Variants in CTNND2 observed in about 807,000 individuals in gnomAD.
CTNND2 encodes catenin delta-2.
A neutral mutation model predicts 144.4 loss-of-function variants in CTNND2; 22 were observed. The ratio of observed to expected loss-of-function variants is 0.15; its 90% confidence interval spans 0.11 to 0.22. CTNND2 has a LOEUF of 0.22. Ranked by LOEUF, CTNND2 falls within the 10% of genes least tolerant of loss-of-function variation. The pLI is 1.00. For synonymous variants in CTNND2, 751 were observed against 695.6 expected, an observed-to-expected ratio of 1.08 and a Z score of -1.25; for missense variants, 1,353 against 1,618.8, an observed-to-expected ratio of 0.84 and a Z score of 2.82.
At chr5:11,103,598 A>T (rs739956) in intron 14 of CTNND2, among the ~76,000 whole-genome samples, 23,763 of 151,942 alleles carry the variant, frequency 0.16, 2,536 homozygotes, top group African/African-American at 0.31. Context: ...TGAATCCAGG[A>T]GGTGGAGTTT....
intron 2 of CTNND2, among the ~76,000 whole-genome samples, chr5:11,669,519 A>T (rs1783759859): frequency 6.6e-6 from 1 of 152,006 alleles, no homozygotes; most frequent in South Asian, 2.1e-4. Flanking sequence ...GAATTTATCC[A>T]TTTCTTCTAG....
intron 2 of CTNND2, among the ~76,000 whole-genome samples, chr5:11,618,600 G>T (rs1780687951): frequency 6.6e-6 from 1 of 152,006 alleles, no homozygotes; most frequent in African/African-American, 2.4e-5. Context: ...AATGTAATTT[G>T]GTAAAAATAC....
At position 11,649,297 on chromosome 5, in the gene CTNND2, G is replaced by T. The variant is rs554918507; in HGVS notation, c.174+82839C>A. Among the ~76,000 whole-genome samples the T allele has an allele frequency of 2.0e-5, 3 of 152,190 alleles. No individual in the cohort carries two copies. The East Asian group carries it at 5.8e-4, about 29-fold the overall frequency. On this transcript the variant is annotated intron_variant, in intron 2 of 21. Coordinates refer to ENST00000304623, the MANE Select transcript of CTNND2 (RefSeq NM_001332.4). The stretch of plus-strand genomic sequence containing the variant: ...ACTGTAACATACCACTTTCATTAAA[G>T]AAACAAACTTATTTTGTTATTTTTA...
intron 3 of CTNND2, among the ~76,000 whole-genome samples, chr5:11,461,813 T>C (rs1766249618): frequency 5.9e-5 from 9 of 152,126 alleles, no homozygotes. Context: ...TAGAAAGAAA[T>C]AAGGATTGAG....
intron 1 of CTNND2, among the ~76,000 whole-genome samples, chr5:11,779,890 T>C (rs1248300167): frequency 6.6e-6 from 1 of 152,186 alleles, no homozygotes; most frequent in Admixed American, 6.5e-5. Flanking sequence ...CCTAATTCCA[T>C]CTTCCCCTCT....
At chr5:11,398,891 A>G (rs1760381243) in intron 5 of CTNND2, among the ~76,000 whole-genome samples, 1 of 152,224 alleles carries the variant, frequency 6.6e-6, no homozygotes, top group African/African-American at 2.4e-5. Flanking sequence ...GGAAGCTGCC[A>G]GGCCCAGCAG....
chr5:11,388,956 T>C (rs1175919857), intron 6 of CTNND2, among the ~76,000 whole-genome samples: 2 of 152,244 alleles, frequency 1.3e-5, no homozygotes, highest in Non-Finnish European at 2.9e-5. Flanking sequence ...GATTACTACA[T>C]ACTGCTTCCC....
intron 9 of CTNND2, among the ~76,000 whole-genome samples, chr5:11,302,228 G>C (rs27523): frequency 0.48 from 72,901 of 151,918 alleles, 18,144 homozygotes; most frequent in Middle Eastern, 0.58. Flanking sequence ...AAGCGGGCTT[G>C]TGTTTTTCAG....
At chr5:11,705,664 C>T (rs780858517) in intron 2 of CTNND2, among the ~76,000 whole-genome samples, 19 of 152,178 alleles carry the variant, frequency 1.2e-4, no homozygotes, top group Non-Finnish European at 2.5e-4. Flanking sequence ...AGAGAGTGAA[C>T]ATCCCTTCAG....
chr5:11,638,025 CT>C (rs1190203263), intron 2 of CTNND2, among the ~76,000 whole-genome samples: 1 of 152,162 alleles, frequency 6.6e-6, no homozygotes. Flanking sequence ...AACAGCCTCT[CT>C]TTTTTCATCA....
intron 3 of CTNND2, among the ~76,000 whole-genome samples, chr5:11,467,487 C>A (rs779659603): frequency 9.2e-5 from 14 of 152,130 alleles, no homozygotes; most frequent in Non-Finnish European, 1.6e-4. Context: ...TTACATCGGG[C>A]CTGATTCTAC....
chr5:11,891,314 T>C (rs918171519), intron 1 of CTNND2, among the ~76,000 whole-genome samples: 1 of 152,190 alleles, frequency 6.6e-6, no homozygotes, highest in African/African-American at 2.4e-5. Context: ...GAGCTTCATA[T>C]TATCCATCAG....
intron 2 of CTNND2, among the ~76,000 whole-genome samples, chr5:11,609,524 T>C (rs1258597676): frequency 1.3e-5 from 2 of 152,166 alleles, no homozygotes; most frequent in Non-Finnish European, 2.9e-5. Context: ...GACACTCTCA[T>C]GGAGAGAATG....
chr5:11,792,407 G>A (rs1326560205), intron 1 of CTNND2, among the ~76,000 whole-genome samples: 1 of 152,126 alleles, frequency 6.6e-6, no homozygotes, highest in African/African-American at 2.4e-5. Context: ...TAGTTCTGAG[G>A]CTTATGTTTC....
intron 10 of CTNND2, among the ~76,000 whole-genome samples, chr5:11,225,310 T>A (rs1386681351): frequency 6.6e-6 from 1 of 152,210 alleles, no homozygotes; most frequent in Non-Finnish European, 1.5e-5. Context: ...TGGTTTTCTC[T>A]TAAAATCCTC....
chr5:11,532,844 G>A (rs535646576), intron 3 of CTNND2, among the ~76,000 whole-genome samples: 1 of 152,254 alleles, frequency 6.6e-6, no homozygotes, highest in East Asian at 1.9e-4. Flanking sequence ...ACTTCCTATG[G>A]CCCCCAGAAA....
chr5:11,075,324 A>T (rs1270702694), intron 16 of CTNND2, among the ~76,000 whole-genome samples: 8 of 152,340 alleles, frequency 5.3e-5, no homozygotes, highest in Admixed American at 4.6e-4. Flanking sequence ...GCTAGTTGGT[A>T]AAGTGAAAAG....
At chr5:11,219,028 C>T (rs557691319) in intron 10 of CTNND2, among the ~76,000 whole-genome samples, 18 of 152,328 alleles carry the variant, frequency 1.2e-4, no homozygotes, top group Admixed American at 3.9e-4. Flanking sequence ...AGCCACCATT[C>T]CTTTCTCTCT....
chr5:11,128,980 A>T (rs1044599663), intron 12 of CTNND2, among the ~76,000 whole-genome samples: 11 of 29,938 alleles, frequency 3.7e-4, no homozygotes, highest in Admixed American at 1.6e-3. Context: ...ATAATATATA[A>T]ATATATATAA....
Sources: gnomAD v4.1 joint callset for allele counts (sites outside exome capture counted in the v4.1 genomes callset) on GRCh38, gnomAD v4.1.1 for gene constraint, MANE v1.5 for transcripts, NCBI Gene and HGNC (gene_info 2026-07-23, HGNC 2026-07-21) for gene names.